The following DPH6 variants were observed in gnomAD, a reference collection of about 807,000 sequenced individuals.
DPH6 encodes the protein diphthamine biosynthesis 6.
DPH6 carries 33 observed loss-of-function variants against 38.2 expected under a neutral mutation model. The ratio of observed to expected loss-of-function variants is 0.86; its 90% CI spans 0.65 to 1.15. The LOEUF (loss-of-function observed/expected upper bound fraction) is 1.15. Among genes scored for constraint, DPH6 ranks in the 50% most tolerant of loss-of-function variants. The pLI is 0.00. For synonymous variants in DPH6, 108 were observed against 103.0 expected (o/e 1.05, Z -0.30); for missense variants, 325 against 320.0 (o/e 1.02, Z -0.12).
chr15:35,247,836 A>G (rs1364320104), intron 3 of DPH6, among the ~76,000 whole-genome samples: 1 of 152,232 alleles, frequency 6.6e-6, no homozygotes, highest in Non-Finnish European at 1.5e-5. Context: ...AGAAAGAAAA[A>G]TCAGGTAAAA....
chr15:35,182,359 G>A, the DPH6 span, among the ~76,000 whole-genome samples: 1 of 149,360 alleles, frequency 6.7e-6, no homozygotes, highest in Non-Finnish European at 1.5e-5. Flanking sequence ...GTGCAATTCT[G>A]GCTGAAAATT....
intron 3 of DPH6, among the ~76,000 whole-genome samples, chr15:35,317,590 C>CAAAAAAAAAAAAAGA (rs79613862): frequency 4.5e-4 from 33 of 73,796 alleles, no homozygotes; most frequent in African/African-American, 1.2e-3. Flanking sequence ...TTCTGCTGGA[C>CAAAAAAAAAAAAAGA]AAAAAAAAAA....
the DPH6 span, among the ~76,000 whole-genome samples, chr15:35,176,360 G>A: frequency 6.6e-6 from 1 of 152,138 alleles, no homozygotes; most frequent in Non-Finnish European, 1.5e-5. Flanking sequence ...TGGAAGAAAA[G>A]GAAGAAAAGG....
chr15:35,383,309 T>A (rs895911590), intron 6 of DPH6, among the ~76,000 whole-genome samples: 1 of 152,230 alleles, frequency 6.6e-6, no homozygotes, highest in Non-Finnish European at 1.5e-5. Context: ...AAAAGACTCA[T>A]ATATTCAAGA....
chr15:35,540,696 T>C (rs554069897), intron 2 of DPH6, among the ~76,000 whole-genome samples: 1 of 152,156 alleles, frequency 6.6e-6, no homozygotes, highest in East Asian at 1.9e-4. Flanking sequence ...TCTATTCTAC[T>C]GAGAGGTATA....
chr15:35,191,952 C>T, the DPH6 span, among the ~76,000 whole-genome samples: 1 of 152,182 alleles, frequency 6.6e-6, no homozygotes, highest in Non-Finnish European at 1.5e-5. Flanking sequence ...CTGTGCTCCT[C>T]AACTGCAGCA....
At chr15:35,372,310 C>T in intron 8 of DPH6, 107 bp from the exon 9 acceptor site, 4 of 930,248 alleles carry the variant, frequency 4.3e-6, no homozygotes, top group South Asian at 3.3e-5. Context: ...ATACTGTTAT[C>T]TTCGCAGCCT....
At chr15:35,520,220 C>CAAAAAAAAAAAAAAAA (rs1353792195) in intron 3 of DPH6, 6 of 445,358 alleles carry the variant, frequency 1.3e-5, no homozygotes, top group Admixed American at 9.2e-4. Flanking sequence ...AAACATGCTA[C>CAAAAAAAAAAAAAAAA]AAAAAAAAAC....
intron 3 of DPH6, chr15:35,520,077 C>T: frequency 6.3e-6 from 1 of 159,084 alleles, no homozygotes; most frequent in Non-Finnish European, 1.3e-5. Context: ...TGTGGCACCT[C>T]ATGCAATTCT....
chr15:35,315,739 C>T (rs1009105040), intron 3 of DPH6, among the ~76,000 whole-genome samples: 3 of 152,142 alleles, frequency 2.0e-5, no homozygotes, highest in Admixed American at 2.0e-4. Context: ...ATCTGCACTC[C>T]CATGTTTATT....
intron 3 of DPH6, among the ~76,000 whole-genome samples, chr15:35,224,021 T>A (rs2140386805): frequency 6.6e-6 from 1 of 152,080 alleles, no homozygotes; most frequent in East Asian, 1.9e-4. Context: ...CCATATAGCA[T>A]GTAGCCTTTT....
At chr15:35,522,273 G>A in intron 3 of DPH6, 1 of 1,612,620 alleles carries the variant, frequency 6.2e-7, no homozygotes, top group Non-Finnish European at 8.5e-7. Flanking sequence ...TCATTCTAGT[G>A]ATGCCCTGGA....
intron 3 of DPH6, among the ~76,000 whole-genome samples, chr15:35,265,979 C>G (rs1365076068): frequency 6.6e-6 from 1 of 152,090 alleles, no homozygotes; most frequent in African/African-American, 2.4e-5. Flanking sequence ...CTGGTTGAAT[C>G]TGAATACAAG....
chr15:35,333,791 T>C (rs1421077136), intron 3 of DPH6, among the ~76,000 whole-genome samples: 3 of 152,168 alleles, frequency 2.0e-5, no homozygotes, highest in Non-Finnish European at 4.4e-5. Context: ...TGTGAAGGAA[T>C]ATAAATTATT....
chr15:35,152,332 T>C, the DPH6 span, among the ~76,000 whole-genome samples: 1 of 152,118 alleles, frequency 6.6e-6, no homozygotes, highest in Non-Finnish European at 1.5e-5. Flanking sequence ...CACTGCATAT[T>C]GTGTCATCCT....
At chr15:35,375,875 C>T (rs934783044) in intron 7 of DPH6, among the ~76,000 whole-genome samples, 29 of 152,114 alleles carry the variant, frequency 1.9e-4, no homozygotes, top group Non-Finnish European at 2.9e-5. Context: ...TTTGTCCCCA[C>T]CTCTCCTCTA....
At chr15:35,534,418 A>G (rs1376392609) in intron 3 of DPH6, among the ~76,000 whole-genome samples, 2 of 151,638 alleles carry the variant, frequency 1.3e-5, no homozygotes, top group East Asian at 3.9e-4. Context: ...CCAGTATTTC[A>G]GGAAACGAAA....
chr15:35,325,145 C>T (rs1566870054), intron 3 of DPH6, among the ~76,000 whole-genome samples: 1 of 152,124 alleles, frequency 6.6e-6, no homozygotes, highest in African/African-American at 2.4e-5. Flanking sequence ...TGAAGTTTGA[C>T]ATTTTCCCCT....
At chr15:35,340,335 T>G (rs1039837544) in intron 3 of DPH6, among the ~76,000 whole-genome samples, 3 of 152,206 alleles carry the variant, frequency 2.0e-5, no homozygotes, top group Non-Finnish European at 4.4e-5. Flanking sequence ...TTGTCCAACT[T>G]GCCATTCTGT....
Sources: allele counts gnomAD v4.1 joint callset (sites outside exome capture counted in the v4.1 genomes callset), GRCh38; gene constraint gnomAD v4.1.1; transcripts MANE v1.5; gene names NCBI Gene and HGNC (gene_info 2026-07-23, HGNC 2026-07-21).